The following ATXN7 variants were observed in gnomAD, a reference collection of about 807,000 sequenced individuals.
The protein encoded by ATXN7 is ataxin-7.
Under a neutral mutation model 70.5 loss-of-function variants are expected in ATXN7, and 12 were observed. The observed-to-expected ratio is 0.17, with a 90% CI of 0.11 to 0.28. The LOEUF is 0.28. Ranked by LOEUF, ATXN7 falls within the 10% of genes least tolerant of loss-of-function variation. The probability of loss-of-function intolerance (pLI) is 1.00; values close to 1 mark genes in which losing one functional copy is unlikely to be tolerated. For missense variants in ATXN7, 1,256 were observed against 1,131.7 expected, an observed-to-expected ratio of 1.11 and a Z score of -1.58; for synonymous variants, 498 against 448.7, an observed-to-expected ratio of 1.11 and a Z score of -1.39.
At chr3:63,912,529 G>T in intron 2 of ATXN7, 59 bp from the exon 3 acceptor site, 1 of 1,050,866 alleles carries the variant, frequency 9.5e-7, no homozygotes, top group Non-Finnish European at 1.2e-6. Flanking sequence ...ACTCCCTGGC[G>T]CCTCCTTAAA....
intron 1 of ATXN7, among the ~76,000 whole-genome samples, chr3:63,885,402 A>C (rs997937661): frequency 2.0e-5 from 3 of 152,242 alleles, no homozygotes; most frequent in Admixed American, 1.3e-4. Context: ...ATATCACCTC[A>C]CTCCTGTTAG....
rs1222413471 is a variant in ATXN7 at position 63,999,383 on chromosome 3, A to G, written c.2662-67A>G. The G allele has an allele frequency of 2.3e-6, 3 of 1,281,312 alleles. No homozygotes were observed. The African/African-American group carries it at 4.4e-5, about 19-fold the overall frequency. 79.4% of individuals were successfully genotyped at this position (1,281,312 alleles called of 1,614,324 possible). On this transcript the variant is annotated intron_variant, in intron 12 of 12. Coordinates refer to ENST00000674280, the MANE Select transcript of ATXN7 (RefSeq NM_001377405.1). ...CTTTGGAATATTCTTGTTTAGAATC[A>G]ATAGAGTGCAGTGTACAAACGCTTA...
chr3:63,998,047 T>C (rs2075788010), intron 12 of ATXN7: 3 of 985,402 alleles, frequency 3.0e-6, no homozygotes, highest in Non-Finnish European at 3.6e-6. Context: ...GTGCCGATTC[T>C]TCAACGCACC....
chr3:63,980,830 G>A (rs1242251583), intron 6 of ATXN7, among the ~76,000 whole-genome samples: 1 of 152,152 alleles, frequency 6.6e-6, no homozygotes, highest in Non-Finnish European at 1.5e-5. Context: ...AGCAAATAGG[G>A]AAGCAGTGCT....
intron 5 of ATXN7, among the ~76,000 whole-genome samples, chr3:63,977,954 A>G (rs1192277589): frequency 1.3e-5 from 2 of 152,216 alleles, no homozygotes; most frequent in Non-Finnish European, 2.9e-5. Context: ...AATTTGGAAA[A>G]CACTAATTCA....
intron 1 of ATXN7, among the ~76,000 whole-genome samples, chr3:63,879,770 T>C (rs1402195075): frequency 6.6e-6 from 1 of 152,104 alleles, no homozygotes; most frequent in Non-Finnish European, 1.5e-5. Flanking sequence ...AAGATTCTTA[T>C]TCCACCGATC....
intron 5 of ATXN7, among the ~76,000 whole-genome samples, chr3:63,953,433 G>T (rs1457903087): frequency 6.6e-6 from 1 of 152,178 alleles, no homozygotes; most frequent in Non-Finnish European, 1.5e-5. Flanking sequence ...AGCATTATAA[G>T]CAGGAACCTG....
intron 1 of ATXN7, among the ~76,000 whole-genome samples, chr3:63,895,094 C>T (rs962718212): frequency 6.6e-5 from 10 of 152,142 alleles, no homozygotes; most frequent in Non-Finnish European, 1.5e-4. Context: ...GGCAGTCTCA[C>T]GTTAAAGCTT....
At chr3:63,986,068 A>G (rs927994986) in intron 8 of ATXN7, among the ~76,000 whole-genome samples, 8 of 152,236 alleles carry the variant, frequency 5.3e-5, no homozygotes, top group Admixed American at 2.0e-4. Context: ...GCTGAAATCA[A>G]TGTGATGATT....
intron 4 of ATXN7, among the ~76,000 whole-genome samples, chr3:63,931,210 A>T (rs560062663): frequency 3.3e-5 from 5 of 152,196 alleles, no homozygotes; most frequent in Admixed American, 3.3e-4. Context: ...AAGTGCTGGG[A>T]TTATAGGCGT....
At chr3:63,964,501 A>ACC (rs769677073) in intron 5 of ATXN7, among the ~76,000 whole-genome samples, 5 of 152,236 alleles carry the variant, frequency 3.3e-5, no homozygotes, top group Admixed American at 6.5e-5. Flanking sequence ...GGCTGAGGTC[A>ACC]CGCTGTGGTT....
chr3:63,952,370 G>A lies in ATXN7; in HGVS notation c.395-9G>A. 2 of 1,599,096 alleles carry A rather than the reference G, an allele frequency of 1.3e-6. No homozygotes were observed. The highest frequency in any genetic ancestry group is 1.7e-5 in the Admixed American group (1 of 57,314). On this transcript the variant is annotated splice_polypyrimidine_tract_variant and intron_variant, in intron 4 of 12. Coordinates refer to ENST00000674280, the MANE Select transcript of ATXN7 (RefSeq NM_001377405.1). Reference sequence around the variant, plus strand: ...GATGAGTGAGTGATGCTCTGTTTCTGTGTTGCAGACATGCCAATATTTGGT... The same window carrying A: ...GATGAGTGAGTGATGCTCTGTTTCTATGTTGCAGACATGCCAATATTTGGT...
At chr3:63,991,177 A>G (rs1398333015) in intron 11 of ATXN7, among the ~76,000 whole-genome samples, 4 of 152,214 alleles carry the variant, frequency 2.6e-5, no homozygotes, top group African/African-American at 9.7e-5. Context: ...AAGTGACAGA[A>G]TGGAAACAAT....
At chr3:63,951,522 A>C (rs1235375536) in intron 4 of ATXN7, among the ~76,000 whole-genome samples, 1 of 152,218 alleles carries the variant, frequency 6.6e-6, no homozygotes, top group African/African-American at 2.4e-5. Flanking sequence ...TGTAGTGTAA[A>C]ATGCTGTTTA....
chr3:63,910,701 A>G lies in ATXN7; in HGVS notation c.-11-1887A>G, dbSNP rs145552535. On this transcript the variant is annotated intron_variant, in intron 2 of 12. Transcript: ENST00000674280. ...TTTTTAAAATTAAATCTTTCCAATCATTTCTACTATTTTGGTTATTTTGAT... is the reference window on the plus strand; with the variant it reads ...TTTTTAAAATTAAATCTTTCCAATCGTTTCTACTATTTTGGTTATTTTGAT... 5.5e-3 allele frequency among the ~76,000 whole-genome samples: 835 copies of G among 152,270 alleles called. 8 individuals carry two copies. Among genetic ancestry groups the G allele is most frequent in the African/African-American group, 0.019 (790 of 41,552 alleles).
chr3:63,945,708 G>A (rs2074848147), intron 4 of ATXN7, among the ~76,000 whole-genome samples: 2 of 152,240 alleles, frequency 1.3e-5, no homozygotes, highest in Non-Finnish European at 2.9e-5. Context: ...ATGTAGTCTA[G>A]TGGGAGGAAG....
intron 1 of ATXN7, among the ~76,000 whole-genome samples, chr3:63,866,206 C>A (rs1468819310): frequency 6.6e-6 from 1 of 152,076 alleles, no homozygotes; most frequent in Non-Finnish European, 1.5e-5. Context: ...ATTTGAAAGA[C>A]TTTAAAGTTT....
At position 63,889,551 on chromosome 3, in the gene ATXN7, A is replaced by G. The variant is rs188940977; in HGVS notation, c.-110-8848A>G. ...GCTAGAAATAGCCTCAGAAAAATCA[A>G]ATCTTCAGATGCTGGTATACTATTT... On this transcript the variant is annotated intron_variant, in intron 1 of 12. Coordinates refer to ENST00000674280, the MANE Select transcript of ATXN7 (RefSeq NM_001377405.1). 4.6e-5 allele frequency among the ~76,000 whole-genome samples: 7 copies of G among 152,328 alleles called. No homozygotes were observed. The East Asian group carries it at 9.6e-4, about 21-fold the overall frequency.
At chr3:63,937,824 A>C (rs1391973982) in intron 4 of ATXN7, among the ~76,000 whole-genome samples, 1 of 152,162 alleles carries the variant, frequency 6.6e-6, no homozygotes, top group East Asian at 1.9e-4. Context: ...TGGGCAAGTT[A>C]CTTAATCTTG....
Sources: allele counts gnomAD v4.1 joint callset (sites outside exome capture counted in the v4.1 genomes callset), GRCh38; gene constraint gnomAD v4.1.1; transcripts MANE v1.5; gene names NCBI Gene and HGNC (gene_info 2026-07-23, HGNC 2026-07-21).